The following C2CD2L variants were observed in gnomAD, a reference collection of about 807,000 sequenced individuals.
The protein encoded by C2CD2L is C2CD2 like.
Under a neutral mutation model 69.9 loss-of-function variants are expected in C2CD2L, and 24 were observed. That is an observed-to-expected ratio of 0.34 (90% confidence interval 0.25 to 0.48). The LOEUF (loss-of-function observed/expected upper bound fraction) is 0.48. Among genes scored for constraint, C2CD2L ranks in the 20% least tolerant of loss-of-function variants. The probability of loss-of-function intolerance (pLI) is 0.99; values close to 1 mark genes in which losing one functional copy is unlikely to be tolerated. For missense variants in C2CD2L, 811 were observed against 941.5 expected (o/e 0.86, Z 1.81); for synonymous variants, 367 against 391.0 (o/e 0.94, Z 0.72).
intron 7 of C2CD2L, chr11:119,112,015 T>C: frequency 2.2e-6 from 1 of 462,994 alleles, no homozygotes. Flanking sequence ...TTCATCAGAG[T>C]GTGAAAGTAT....
At chr11:119,112,147 C>G (rs2134959511) in intron 7 of C2CD2L, 181 bp from the exon 8 acceptor site, 1 of 604,560 alleles carries the variant, frequency 1.7e-6, no homozygotes, top group East Asian at 2.9e-5. Context: ...ATGGTTTCCA[C>G]TCAGGCCCTG....
intron 7 of C2CD2L, 127 bp from the exon 8 acceptor site, chr11:119,112,201 T>C: frequency 1.3e-6 from 1 of 793,550 alleles, no homozygotes; most frequent in Non-Finnish European, 2.0e-6. Flanking sequence ...GCCAGGAGAA[T>C]CTGATTGGAG....
Position 119,112,835 on chromosome 11 carries a change from A to G in C2CD2L, c.1348A>G (p.Thr450Ala). The G allele has an allele frequency of 1.2e-6, 2 of 1,614,024 alleles. No individual in the cohort carries two copies. Among genetic ancestry groups the G allele is most frequent in the Non-Finnish European group, 1.7e-6 (2 of 1,179,964 alleles). The change falls in exon 10 of 14, where the codon ACC becomes GCC. Residue 450 changes from threonine to alanine, a missense_variant. Coordinates refer to ENST00000648610, the MANE Select transcript of C2CD2L (RefSeq NM_001290474.2). ...MPDGTIVTTVTTVQSRPRIDG... is the reference protein window; with the variant it reads ...MPDGTIVTTVATVQSRPRIDG... Reference sequence around the variant, plus strand: ...CGATGGCACCATTGTCACCACAGTCACCACTGTCCAGTCCCGGCCCCGTAT... The same window carrying G: ...CGATGGCACCATTGTCACCACAGTCGCCACTGTCCAGTCCCGGCCCCGTAT...
chr11:119,108,323 C>G, intron 1 of C2CD2L: 2 of 486,514 alleles, frequency 4.1e-6, no homozygotes. Flanking sequence ...TGGTTCCAAA[C>G]CCATGCACAA....
In C2CD2L at chr11:119,114,066, G is replaced by C. The variant is rs757663136; in HGVS notation, c.1624-14G>C. The C allele has an allele frequency of 6.2e-7, 1 of 1,613,856 alleles. No homozygotes were observed. The highest frequency in any genetic ancestry group is 1.1e-5 in the South Asian group (1 of 91,072). On this transcript the variant is annotated splice_polypyrimidine_tract_variant and intron_variant, in intron 12 of 13. Coordinates refer to ENST00000648610, the MANE Select transcript of C2CD2L (RefSeq NM_001290474.2). This position sits in a 1 kb window ranked among gnomAD's most constrained non-coding sequence, Gnocchi z 5.1. ...CGGTCACTCCTGCCCATTAAAACCC[G>C]TCCCTCCTGCCAGGTGCCCATTGCT...
Position 119,109,733 on chromosome 11 carries a change from T to C in C2CD2L, c.355-371T>C, listed in dbSNP as rs1031830023. Among the ~76,000 whole-genome samples the C allele has an allele frequency of 3.9e-5, 6 of 152,192 alleles. No individual in the cohort carries two copies. The highest frequency in any genetic ancestry group is 2.1e-4 in the South Asian group (1 of 4,826). On this transcript the variant is annotated intron_variant, in intron 1 of 13. Transcript: ENST00000648610. The surrounding 1 kb of genome is among the most constrained non-coding windows in gnomAD (Gnocchi z 5.1). ...CAACCAGCACCTTAACTTTTTTCTA[T>C]GTAGGATTTTTTGTTTGTTTGTTAT...
chr11:119,103,696 A>AAAAC (rs911231350), upstream of C2CD2L, among the ~76,000 whole-genome samples: 15 of 151,994 alleles, frequency 9.9e-5, no homozygotes, highest in South Asian at 2.1e-4. Context: ...AAACTGTCTC[A>AAAAC]AAACAAACAA....
At chr11:119,108,515 C>T (rs965111164) in intron 1 of C2CD2L, among the ~76,000 whole-genome samples, 2 of 152,160 alleles carry the variant, frequency 1.3e-5, no homozygotes, top group East Asian at 1.9e-4. Flanking sequence ...AGGCAGATCC[C>T]CAAGGAGCCT....
intron 11 of C2CD2L, 25 bp downstream of exon 11, chr11:119,113,737 G>A (rs755450076): frequency 1.9e-6 from 3 of 1,613,806 alleles, no homozygotes; most frequent in Non-Finnish European, 2.5e-6. Context: ...GGGTGCATGA[G>A]TGTGGGTTGG....
Position 119,110,423 on chromosome 11 carries a change from T to G in C2CD2L, c.451-138T>G. On this transcript the variant is annotated intron_variant, in intron 2 of 13. Coordinates refer to ENST00000648610, the MANE Select transcript of C2CD2L (RefSeq NM_001290474.2). The surrounding 1 kb of genome is among the most constrained non-coding windows in gnomAD (Gnocchi z 5.7). ...GGAGTCTTTGGCATTTATCTGATTC[T>G]TTTAGGGATTTATGATCCTGAAAAC... The G allele has an allele frequency of 9.4e-7, 1 of 1,062,766 alleles. No individual in the cohort carries two copies. 65.8% of individuals were successfully genotyped at this position (1,062,766 alleles called of 1,614,324 possible).
At position 119,112,534 on chromosome 11, in the gene C2CD2L, G is replaced by A. The variant is rs779765066; in HGVS notation, c.1137G>A (p.Leu379=). 1 of 1,613,630 alleles carries A rather than the reference G, an allele frequency of 6.2e-7. No homozygotes were observed. Among genetic ancestry groups the A allele is most frequent in the Non-Finnish European group, 8.5e-7 (1 of 1,179,854 alleles). ...CTGTGGGCTCCCCCTCCAGACCACT[G>A]TCTCGAAGACAGTTGTGCCCACTCA... is the stretch of plus-strand genomic sequence containing the variant. ...TLPVGSPSRP[L]SRRQLCPLTP... Residue 379 remains leucine (L), a synonymous_variant, in exon 9 of 14, where the codon CTG becomes CTA. Coordinates refer to ENST00000648610, the MANE Select transcript of C2CD2L (RefSeq NM_001290474.2).
Position 119,110,331 on chromosome 11 carries a change from C to T in C2CD2L, c.450+132C>T. ...GATCTAAGGATTGGTTTCAGGAAGT[C>T]TGAGAATCCCATTGAAGTTATGTGC... On this transcript the variant is annotated intron_variant, in intron 2 of 13. Coordinates refer to ENST00000648610, the MANE Select transcript of C2CD2L (RefSeq NM_001290474.2). This position sits in a 1 kb window ranked among gnomAD's most constrained non-coding sequence, Gnocchi z 5.7. 1.2e-6 allele frequency: 1 copy of T among 811,020 alleles called. No individual in the cohort carries two copies. Among genetic ancestry groups the T allele is most frequent in the Admixed American group, 2.7e-5 (1 of 36,852 alleles). The allele number at this position is 811,020 out of a possible 1,614,324, so 50.2% of individuals were successfully genotyped here.
chr11:119,110,457 C>A lies in C2CD2L; in HGVS notation c.451-104C>A. 7.5e-7 allele frequency: 1 copy of A among 1,333,378 alleles called. No individual in the cohort carries two copies. The highest frequency in any genetic ancestry group is 1.0e-6 in the Non-Finnish European group (1 of 991,694). The allele number at this position is 1,333,378 out of a possible 1,614,324, so 82.6% of individuals were successfully genotyped here. A position where few individuals can be genotyped will look rare whatever the true frequency, so the allele number is the denominator to read the frequency against. On this transcript the variant is annotated intron_variant, in intron 2 of 13. Transcript: ENST00000648610. This position sits in a 1 kb window ranked among gnomAD's most constrained non-coding sequence, Gnocchi z 5.7. The stretch of plus-strand genomic sequence containing the variant: ...TTTATGATCCTGAAAACATGAAGTC[C>A]TTAGGAAAACGGAAGTGGGGAGGGG...
At chr11:119,106,144 A>G (rs1244259825), upstream of C2CD2L, among the ~76,000 whole-genome samples, 1 of 152,204 alleles carries the variant, frequency 6.6e-6, no homozygotes, top group Non-Finnish European at 1.5e-5. Flanking sequence ...AGGGAGGCCC[A>G]GGCTACCCCA....
chr11:119,112,835 A>T lies in C2CD2L; in HGVS notation c.1348A>T (p.Thr450Ser). The T allele has an allele frequency of 6.2e-7, 1 of 1,614,024 alleles. No homozygotes were observed. Among genetic ancestry groups the T allele is most frequent in the Non-Finnish European group, 8.5e-7 (1 of 1,179,964 alleles). Residue 450 changes from threonine (T) to serine (S), a missense_variant, in exon 10 of 14, where the codon ACC becomes TCC. Thr to Ser is a moderately conservative substitution (Grantham distance 58). Coordinates refer to ENST00000648610, the MANE Select transcript of C2CD2L (RefSeq NM_001290474.2). ...MPDGTIVTTV[T>S]TVQSRPRIDG... ...CGATGGCACCATTGTCACCACAGTCACCACTGTCCAGTCCCGGCCCCGTAT... is the reference window on the plus strand; with the variant it reads ...CGATGGCACCATTGTCACCACAGTCTCCACTGTCCAGTCCCGGCCCCGTAT...
chr11:119,110,565 T>G lies in C2CD2L; in HGVS notation c.455T>G (p.Leu152Arg). The G allele has an allele frequency of 6.2e-7, 1 of 1,608,280 alleles. No individual in the cohort carries two copies. The highest frequency in any genetic ancestry group is 8.5e-7 in the Non-Finnish European group (1 of 1,179,024). ...GACCCACCTCGCCGGTCTCAGGTGC[T>G]GCGTTGCCAGCTCTCTGCTGAGGAG... ...CVDQSEHTMV[L>R]RCQLSAEEVR... The change falls in exon 3 of 14, where the codon CTG becomes CGG. Residue 152 changes from leucine (L) to arginine (R), a missense_variant. By Grantham distance (102) the Leu-to-Arg change is moderately radical. Transcript: ENST00000648610. The surrounding 1 kb of genome is among the most constrained non-coding windows in gnomAD (Gnocchi z 5.7).
chr11:119,111,340 G>A lies in C2CD2L; in HGVS notation c.876G>A (p.Gln292=). The change falls in exon 6 of 14, where the codon CAG becomes CAA. Residue 292 remains glutamine (Q), a synonymous_variant. Coordinates refer to ENST00000648610, the MANE Select transcript of C2CD2L (RefSeq NM_001290474.2). ...GACCTAACCGGTTATTCCTACGGCA[G>A]CTTCGGGCATCTCACTTGGGAAATG... ...IPRPNRLFLR[Q]LRASHLGNEL... 6.2e-7 allele frequency: 1 copy of A among 1,614,240 alleles called. No homozygotes were observed. The highest frequency in any genetic ancestry group is 8.5e-7 in the Non-Finnish European group (1 of 1,180,044).
At position 119,107,708 on chromosome 11, in the gene C2CD2L, C is replaced by A. The variant is rs759643870; in HGVS notation, c.-34C>A. On this transcript the variant is annotated 5_prime_UTR_variant, in exon 1 of 14. Coordinates refer to ENST00000648610, the MANE Select transcript of C2CD2L (RefSeq NM_001290474.2). The surrounding 1 kb of genome is among the most constrained non-coding windows in gnomAD (Gnocchi z 5.4). Reference sequence around the variant, plus strand: ...GCTCCCCCGGGGCAGCGGGTGAGCCCCAGCCGGGACCGGGATCGGAGCCCG... The same window carrying A: ...GCTCCCCCGGGGCAGCGGGTGAGCCACAGCCGGGACCGGGATCGGAGCCCG... The A allele has an allele frequency of 1.8e-5, 25 of 1,373,742 alleles. No homozygotes were observed. The highest frequency in any genetic ancestry group is 2.3e-5 in the Non-Finnish European group (24 of 1,050,902). The allele number at this position is 1,373,742 out of a possible 1,614,324, so 85.1% of individuals were successfully genotyped here.
upstream of C2CD2L, chr11:119,102,322 G>C (rs1238315908): frequency 2.1e-6 from 1 of 471,596 alleles, no homozygotes; most frequent in Non-Finnish European, 4.4e-6. Context: ...CGAGGGTGTG[G>C]AGACGCGCCT....
Sources: gnomAD v4.1 joint callset for allele counts (sites outside exome capture counted in the v4.1 genomes callset) on GRCh38, gnomAD v4.1.1 for gene constraint, Gnocchi (gnomAD v3.1) non-coding constraint, MANE v1.5 for transcripts, NCBI Gene and HGNC (gene_info 2026-07-23, HGNC 2026-07-21) for gene names.